The following TDRD3 variants were observed in gnomAD, a reference collection of about 807,000 sequenced individuals.
TDRD3 encodes the protein tudor domain-containing protein 3.
A neutral mutation model predicts 86.7 loss-of-function variants in TDRD3; 45 were observed. That is an observed-to-expected ratio of 0.52 (90% CI 0.41 to 0.67). The LOEUF is 0.67. Among genes scored for constraint, TDRD3 ranks in the 30% least tolerant of loss-of-function variants. The pLI, the probability that TDRD3 is intolerant of heterozygous loss-of-function variation, is 0.00. For missense variants in TDRD3, 814 were observed against 889.0 expected, an observed-to-expected ratio of 0.92 and a Z score of 1.07; for synonymous variants, 298 against 301.7, an observed-to-expected ratio of 0.99 and a Z score of 0.13.
intron 1 of TDRD3, among the ~76,000 whole-genome samples, chr13:60,433,850 G>A (rs536803099): frequency 1.9e-4 from 29 of 152,302 alleles, no homozygotes; most frequent in African/African-American, 6.3e-4. Context: ...TAGCCAGTGA[G>A]TAAGTTAGAT....
chr13:60,467,340 T>G lies in TDRD3; in HGVS notation c.456T>G (p.Gly152=), dbSNP rs374928095. ...LNDSNTTVLG[G]EVEHLIEKWE... is the part of the protein sequence containing the mutation. Reference sequence around the variant, plus strand: ...ACTCTAACACCACAGTTCTTGGTGGTGAAGTGGAACACCTTATTGAGAAAT... The same window carrying G: ...ACTCTAACACCACAGTTCTTGGTGGGGAAGTGGAACACCTTATTGAGAAAT... The change falls in exon 5 of 14, where the codon GGT becomes GGG. Residue 152 remains glycine (G), a synonymous_variant. Transcript: ENST00000377881. The G allele has an allele frequency of 5.0e-6, 8 of 1,613,794 alleles. No homozygotes were observed. Among genetic ancestry groups the G allele is most frequent in the Non-Finnish European group, 6.8e-6 (8 of 1,179,890 alleles).
At chr13:60,428,900 T>G (rs1954881283) in intron 1 of TDRD3, among the ~76,000 whole-genome samples, 1 of 152,160 alleles carries the variant, frequency 6.6e-6, no homozygotes, top group Admixed American at 6.5e-5. Flanking sequence ...TATCTGCCAG[T>G]CTCCAAGGGC....
rs35512603 is a variant in TDRD3, at chr13:60,471,541, C to CA, written c.495+4174dup. Among the ~76,000 whole-genome samples, 780 of 143,752 alleles carry CA rather than the reference C, an allele frequency of 5.4e-3. 8 individuals are homozygous for CA. The highest frequency in any genetic ancestry group is 0.017 in the African/African-American group (662 of 39,342). 94.3% of individuals were successfully genotyped at this position (143,752 alleles called of 152,430 possible). ...TATAGGATAGATTTTTCTATTTCTG[C>CA]AAAAAAAAAAAATCATTGGGGTTTT... On this transcript the variant is annotated intron_variant, in intron 5 of 13. Transcript: ENST00000377881.
At chr13:60,400,724 C>T (rs1364922296) in intron 1 of TDRD3, among the ~76,000 whole-genome samples, 4 of 146,428 alleles carry the variant, frequency 2.7e-5, no homozygotes, top group Admixed American at 6.9e-5. Context: ...GGCGACAGAG[C>T]GAGACTGTGT....
intron 1 of TDRD3, among the ~76,000 whole-genome samples, chr13:60,416,066 CT>C (rs927625250): frequency 2.6e-5 from 4 of 152,100 alleles, no homozygotes; most frequent in Admixed American, 1.3e-4. Flanking sequence ...GAATTAATAA[CT>C]TTGTTGGATG....
intron 8 of TDRD3, among the ~76,000 whole-genome samples, chr13:60,497,294 C>G (rs561025720): frequency 1.3e-5 from 2 of 152,208 alleles, no homozygotes; most frequent in South Asian, 2.1e-4. Context: ...GGGAGGGGAC[C>G]CAAAGGGGGT....
At chr13:60,438,592 A>T (rs1283040344) in intron 1 of TDRD3, among the ~76,000 whole-genome samples, 1 of 152,114 alleles carries the variant, frequency 6.6e-6, no homozygotes, top group Non-Finnish European at 1.5e-5. Flanking sequence ...GCTCTTCTGT[A>T]CTGTTCTAAC....
At chr13:60,460,634 C>A in intron 4 of TDRD3, 94 bp downstream of exon 4, 1 of 1,116,082 alleles carries the variant, frequency 9.0e-7, no homozygotes, top group Non-Finnish European at 1.2e-6. Flanking sequence ...AGGAATGGAC[C>A]CTTAATTGTG....
At chr13:60,434,464 T>TA (rs774279549) in intron 1 of TDRD3, among the ~76,000 whole-genome samples, 1,608 of 130,742 alleles carry the variant, frequency 0.012, 11 homozygotes, top group African/African-American at 0.024. Context: ...AGACCCTGTT[T>TA]AAAAAAAAAA....
intron 9 of TDRD3, 30 bp downstream of exon 9, chr13:60,509,949 GTAT>G: frequency 6.2e-7 from 1 of 1,600,692 alleles, no homozygotes; most frequent in Non-Finnish European, 8.5e-7. Context: ...GTGCCAGATA[GTAT>G]TGTTTGCTTT....
chr13:60,567,749 G>A, intron 13 of TDRD3, 99 bp downstream of exon 13: 9 of 1,472,982 alleles, frequency 6.1e-6, no homozygotes, highest in Non-Finnish European at 7.3e-6. Flanking sequence ...CTGAGACGAA[G>A]TTTCACTCTT....
chr13:60,482,932 G>A (rs931205774), intron 5 of TDRD3, among the ~76,000 whole-genome samples: 1 of 151,288 alleles, frequency 6.6e-6, no homozygotes, highest in Non-Finnish European at 1.5e-5. Flanking sequence ...GTTTAAAGTT[G>A]AGATGTATTA....
chr13:60,498,947 C>T (rs866341361), intron 8 of TDRD3, among the ~76,000 whole-genome samples: 17 of 152,096 alleles, frequency 1.1e-4, no homozygotes, highest in Middle Eastern at 3.4e-3. Flanking sequence ...CCAGTGGGTA[C>T]GCGGACTCAT....
intron 3 of TDRD3, among the ~76,000 whole-genome samples, chr13:60,454,590 G>C (rs1955623599): frequency 6.6e-6 from 1 of 152,012 alleles, no homozygotes; most frequent in African/African-American, 2.4e-5. Flanking sequence ...GGTGCTACTT[G>C]ACTTACAGTG....
chr13:60,437,188 A>G (rs1441963338), intron 1 of TDRD3, among the ~76,000 whole-genome samples: 3 of 133,928 alleles, frequency 2.2e-5, no homozygotes, highest in Non-Finnish European at 4.6e-5. Flanking sequence ...GTGCAATGGC[A>G]TGATCTCGGC....
intron 6 of TDRD3, among the ~76,000 whole-genome samples, chr13:60,484,047 C>T (rs1420731632): frequency 6.6e-6 from 1 of 151,568 alleles, no homozygotes; most frequent in Non-Finnish European, 1.5e-5. Flanking sequence ...AGCTGTTAAC[C>T]CAAAGATTGA....
intron 7 of TDRD3, among the ~76,000 whole-genome samples, chr13:60,492,801 G>T (rs1266706397): frequency 2.6e-5 from 4 of 151,618 alleles, no homozygotes; most frequent in Admixed American, 1.3e-4. Flanking sequence ...TAGTTTATCA[G>T]CTACCTAATA....
intron 10 of TDRD3, among the ~76,000 whole-genome samples, chr13:60,526,839 CT>C (rs995199680): frequency 6.6e-6 from 1 of 150,894 alleles, no homozygotes; most frequent in African/African-American, 2.4e-5. Flanking sequence ...CACTTTGAGT[CT>C]TTTTTTTTCT....
chr13:60,535,349 A>T (rs1957676645), intron 12 of TDRD3, 116 bp downstream of exon 12: 1 of 1,185,450 alleles, frequency 8.4e-7, no homozygotes, highest in Non-Finnish European at 1.1e-6. Context: ...GAATTTACTT[A>T]TAACTGGCTA....
Sources: allele counts gnomAD v4.1 joint callset (sites outside exome capture counted in the v4.1 genomes callset), GRCh38; gene constraint gnomAD v4.1.1; transcripts MANE v1.5; gene names NCBI Gene and HGNC (gene_info 2026-07-23, HGNC 2026-07-21).